Variants in SLC5A10 observed in about 807,000 individuals in gnomAD.
SLC5A10 encodes the protein sodium/mannose cotransporter SLC5A10.
A neutral mutation model predicts 68.9 loss-of-function variants in SLC5A10; 55 were observed. The observed-to-expected ratio is 0.80, with a 90% CI of 0.64 to 1.00. The LOEUF (loss-of-function observed/expected upper bound fraction) is 1.00. SLC5A10 is among the 50% of genes least tolerant of loss of function. The probability of loss-of-function intolerance (pLI) is 0.00; values close to 1 mark genes in which losing one functional copy is unlikely to be tolerated. For synonymous variants in SLC5A10, 344 were observed against 344.8 expected, an observed-to-expected ratio of 1.00 and a Z score of 0.02; for missense variants, 732 against 819.3, an observed-to-expected ratio of 0.89 and a Z score of 1.30.
At chr17:18,960,042 G>A (rs751728955) in intron 4 of SLC5A10, among the ~76,000 whole-genome samples, 3 of 152,074 alleles carry the variant, frequency 2.0e-5, no homozygotes, top group Non-Finnish European at 4.4e-5. Context: ...CCTGGGCTGC[G>A]TACCTGAATG....
intron 9 of SLC5A10, among the ~76,000 whole-genome samples, chr17:18,992,838 T>C (rs999706800): frequency 1.3e-5 from 2 of 152,270 alleles, no homozygotes; most frequent in South Asian, 4.1e-4. Context: ...ACACATCTCA[T>C]TGCGCCCACA....
In SLC5A10 at chr17:19,003,088, T is replaced by C. The variant is rs1227200010; in HGVS notation, c.983-10322T>C. Among the ~76,000 whole-genome samples the C allele has an allele frequency of 6.6e-6, 1 of 151,990 alleles. No homozygotes were observed. The highest frequency in any genetic ancestry group is 1.5e-5 in the Non-Finnish European group (1 of 68,002). ...GCCAGTCTCAGATGGACTTGGACCA[T>C]GCCTATTCCCTCACCCCACAACAAA... On this transcript the variant is annotated intron_variant, in intron 9 of 14. Transcript: ENST00000395645. The surrounding 1 kb of genome is among the most constrained non-coding windows in gnomAD (Gnocchi z 4.5).
At chr17:18,969,006 G>A (rs778553064) in intron 5 of SLC5A10, 46 bp from the exon 6 acceptor site, 1 of 1,564,064 alleles carries the variant, frequency 6.4e-7, no homozygotes, top group East Asian at 2.3e-5. Flanking sequence ...TGGCTTGCTG[G>A]AGCCCTGGGA....
intron 4 of SLC5A10, 93 bp from the exon 5 acceptor site, chr17:18,960,455 C>CGG: frequency 9.5e-7 from 1 of 1,052,472 alleles, no homozygotes; most frequent in Non-Finnish European, 1.4e-6. Flanking sequence ...TGCTTTGTGG[C>CGG]GGGGGGAGAG....
chr17:18,975,506 A>T (rs557472591), intron 8 of SLC5A10, among the ~76,000 whole-genome samples: 78 of 152,164 alleles, frequency 5.1e-4, no homozygotes, highest in Non-Finnish European at 8.1e-4. Flanking sequence ...CCTGACCAAC[A>T]TGGTAAAACC....
intron 2 of SLC5A10, 29 bp downstream of exon 2, chr17:18,958,782 C>G: frequency 6.2e-7 from 1 of 1,612,128 alleles, no homozygotes; most frequent in Non-Finnish European, 8.5e-7. Context: ...CTCACACACC[C>G]CCACTTTGTC....
In SLC5A10 at chr17:19,000,022, C is replaced by G. The variant is rs2043689033; in HGVS notation, c.983-13388C>G. Among the ~76,000 whole-genome samples, 1 of 152,256 alleles carries G rather than the reference C, an allele frequency of 6.6e-6. No individual in the cohort carries two copies. Among genetic ancestry groups the G allele is most frequent in the African/African-American group, 2.4e-5 (1 of 41,470 alleles). On this transcript the variant is annotated intron_variant, in intron 9 of 14. Coordinates refer to ENST00000395645, the MANE Select transcript of SLC5A10 (RefSeq NM_001042450.4). This position sits in a 1 kb window ranked among gnomAD's most constrained non-coding sequence, Gnocchi z 5.2. Reference sequence around the variant, plus strand: ...CAGCTCTGGCTGAGGAAGCCCCAACCCAGCCCAGCCTCACGCCTTCTCAGG... The same window carrying G: ...CAGCTCTGGCTGAGGAAGCCCCAACGCAGCCCAGCCTCACGCCTTCTCAGG...
At position 19,004,349 on chromosome 17, in the gene SLC5A10, G is replaced by C; in HGVS notation, c.983-9061G>C. 3.2e-6 allele frequency: 1 copy of C among 310,728 alleles called. No individual in the cohort carries two copies. Among genetic ancestry groups the C allele is most frequent in the Non-Finnish European group, 6.0e-6 (1 of 167,548 alleles). 19.2% of individuals were successfully genotyped at this position (310,728 alleles called of 1,614,324 possible). A position where few individuals can be genotyped will look rare whatever the true frequency, so the allele number is the denominator to read the frequency against. On this transcript the variant is annotated intron_variant, in intron 9 of 14. Coordinates refer to ENST00000395645, the MANE Select transcript of SLC5A10 (RefSeq NM_001042450.4). This position sits in a 1 kb window ranked among gnomAD's most constrained non-coding sequence, Gnocchi z 5.4. ...GAAGAAAGTAAGGGATCGGAACAGC[G>C]GTGAGGGAGCGGTGGGCCACGTCCC...
At chr17:18,973,200 C>G (rs2152003910) in intron 8 of SLC5A10, among the ~76,000 whole-genome samples, 1 of 152,362 alleles carries the variant, frequency 6.6e-6, no homozygotes, top group Admixed American at 6.5e-5. Flanking sequence ...CCACCTCCCA[C>G]CTCCTCCCAA....
At chr17:19,010,148 G>A (rs959925377) in intron 9 of SLC5A10, among the ~76,000 whole-genome samples, 2 of 152,140 alleles carry the variant, frequency 1.3e-5, no homozygotes, top group African/African-American at 2.4e-5. Flanking sequence ...AGGGAAGAGC[G>A]TGGGCGGATT....
chr17:18,952,049 G>GTGAGGCAGCTGCCCTGCATGC, upstream of SLC5A10: 1 of 1,257,830 alleles, frequency 8.0e-7, no homozygotes, highest in Non-Finnish European at 1.1e-6. Context: ...GAACTGCATG[G>GTGAGGCAGCTGCCCTGCATGC]TGAGGCAGCT....
Position 18,978,000 on chromosome 17 carries a change from G to A in SLC5A10, c.982+1011G>A, listed in dbSNP as rs773750800. ...TCATCCTGGGTCACAGATAGCTGCC[G>A]CTGGAGTGGGGCGTGGCCTGGGCCT... is the stretch of plus-strand genomic sequence containing the variant. On this transcript the variant is annotated intron_variant, in intron 9 of 14. Coordinates refer to ENST00000395645, the MANE Select transcript of SLC5A10 (RefSeq NM_001042450.4). The A allele has an allele frequency of 1.4e-5, 22 of 1,565,154 alleles. No homozygotes were observed. Among genetic ancestry groups the A allele is most frequent in the East Asian group, 4.5e-5 (2 of 44,414 alleles).
chr17:18,970,696 C>G, intron 7 of SLC5A10: 1 of 373,826 alleles, frequency 2.7e-6, no homozygotes, highest in Non-Finnish European at 4.9e-6. Flanking sequence ...GGCTGAGAAC[C>G]ACTTGCCCAA....
chr17:18,980,220 T>A (rs933142277), intron 9 of SLC5A10, among the ~76,000 whole-genome samples: 4 of 152,156 alleles, frequency 2.6e-5, no homozygotes, highest in African/African-American at 9.7e-5. Context: ...TCAACACCCC[T>A]GTCTCTGCTG....
In SLC5A10 at chr17:18,959,642, G is replaced by A; in HGVS notation, c.327G>A (p.Val109=). 1 of 1,614,014 alleles carries A rather than the reference G, an allele frequency of 6.2e-7. No homozygotes were observed. ...YVLLALAWVF[V]PIYISSEIVT... ...TGCTGGCACTGGCATGGGTGTTCGT[G>A]CCCATCTACATCTCCTCAGAGGTGA... The change falls in exon 4 of 15, where the codon GTG becomes GTA. Residue 109 remains valine (V), a synonymous_variant. Transcript: ENST00000395645.
In SLC5A10 at chr17:19,020,239, C is replaced by T. The variant is rs778027010; in HGVS notation, c.1684+27C>T. The T allele has an allele frequency of 5.0e-6, 8 of 1,613,800 alleles. No homozygotes were observed. The African/African-American group carries it at 1.1e-4, about 22-fold the overall frequency. The stretch of plus-strand genomic sequence containing the variant: ...TAAGTGGATGACCCTAGGCACTCCT[C>T]CACCTTGACCCTGGCCTGGAGGCAA... On this transcript the variant is annotated intron_variant, in intron 14 of 14. Transcript: ENST00000395645.
Position 19,019,461 on chromosome 17 carries a change from G to A in SLC5A10, c.1280G>A (p.Trp427Ter). The change falls in exon 12 of 15, where the codon TGG becomes TAG. Residue 427 changes from tryptophan (W) to a stop codon, truncating the protein, a stop_gained. Coordinates refer to ENST00000395645, the MANE Select transcript of SLC5A10 (RefSeq NM_001042450.4). LOFTEE classifies it high-confidence loss of function. ...GCACTCATCGGCGTGAGTGTGGCCTGGATCCCCGTCCTGCAGGACTCCAAC... is the reference window on the plus strand; with the variant it reads ...GCACTCATCGGCGTGAGTGTGGCCTAGATCCCCGTCCTGCAGGACTCCAAC... ...IVALIGVSVA[W>*]IPVLQDSNSG... 1 of 1,611,862 alleles carries A rather than the reference G, an allele frequency of 6.2e-7. No individual in the cohort carries two copies. The highest frequency in any genetic ancestry group is 8.5e-7 in the Non-Finnish European group (1 of 1,179,914).
intron 9 of SLC5A10, among the ~76,000 whole-genome samples, chr17:19,007,921 G>A (rs756315156): frequency 1.4e-4 from 21 of 152,196 alleles, no homozygotes; most frequent in Admixed American, 7.9e-4. Context: ...TTCAGGGCAT[G>A]CACAAAGACT....
intron 9 of SLC5A10, among the ~76,000 whole-genome samples, chr17:19,007,193 ATTTT>A (rs36006919): frequency 7.5e-6 from 1 of 133,678 alleles, no homozygotes; most frequent in African/African-American, 2.8e-5. Flanking sequence ...TGTTACCGCT[ATTTT>A]TTTTTTTTTT....
Sources: gnomAD v4.1 joint callset for allele counts (sites outside exome capture counted in the v4.1 genomes callset) on GRCh38, gnomAD v4.1.1 for gene constraint, Gnocchi (gnomAD v3.1) non-coding constraint, MANE v1.5 for transcripts, NCBI Gene and HGNC (gene_info 2026-07-23, HGNC 2026-07-21) for gene names.